DNAJC12: variants seen among roughly 807,000 people sequenced by gnomAD.
DNAJC12 encodes the protein dnaJ homolog subfamily C member 12.
Under a neutral mutation model 28.5 loss-of-function variants are expected in DNAJC12, and 25 were observed. That is an observed-to-expected ratio of 0.88 (90% CI 0.64 to 1.22). The LOEUF is 1.22. Among genes scored for constraint, DNAJC12 ranks in the 50% most tolerant of loss-of-function variants. The pLI is 0.00. For missense variants in DNAJC12, 222 were observed against 231.7 expected, an observed-to-expected ratio of 0.96 and a Z score of 0.27; for synonymous variants, 77 against 80.6, an observed-to-expected ratio of 0.95 and a Z score of 0.24.
Position 67,805,687 on chromosome 10 carries a change from C to T in DNAJC12, c.398G>A (p.Arg133Lys), listed in dbSNP as rs200014179. Residue 133 changes from arginine (R) to lysine (K), a missense_variant, in exon 4 of 5, where the codon AGA becomes AAA. Arg to Lys is a conservative substitution (Grantham distance 26). Transcript: ENST00000225171. ...AGCCAGCTCCTCTTTCTTTCTTTCT[C>T]TTTGCTCATTACATTCCTCATTTTC... ...KMENEECNEQ[R>K]ERKKEELAST... 62 of 1,613,670 alleles carry T rather than the reference C, an allele frequency of 3.8e-5. No homozygotes were observed. In the East Asian group the frequency reaches 6.9e-4, roughly 18 times the overall value.
chr10:67,817,763 G>C (rs980012576), intron 2 of DNAJC12, among the ~76,000 whole-genome samples: 1 of 151,818 alleles, frequency 6.6e-6, no homozygotes, highest in Admixed American at 6.6e-5. Flanking sequence ...TTATAGCTCC[G>C]GCTACTCAAG....
At chr10:67,820,420 G>C (rs1301786582) in intron 2 of DNAJC12, among the ~76,000 whole-genome samples, 1 of 152,146 alleles carries the variant, frequency 6.6e-6, no homozygotes, top group Non-Finnish European at 1.5e-5. Context: ...TGCAAAACTA[G>C]TCAATGGTGA....
intron 1 of DNAJC12, among the ~76,000 whole-genome samples, chr10:67,828,177 C>G (rs1307919034): frequency 1.3e-5 from 2 of 152,128 alleles, no homozygotes; most frequent in Non-Finnish European, 2.9e-5. Context: ...ACCAGTGTTA[C>G]TGAGAGTGCG....
At chr10:67,831,173 G>A (rs1420012645) in intron 1 of DNAJC12, among the ~76,000 whole-genome samples, 1 of 152,150 alleles carries the variant, frequency 6.6e-6, no homozygotes, top group Non-Finnish European at 1.5e-5. Flanking sequence ...GGGCCACAGG[G>A]TGAGAATCTG....
intron 3 of DNAJC12, among the ~76,000 whole-genome samples, chr10:67,809,691 C>G (rs998311227): frequency 6.6e-6 from 1 of 152,122 alleles, no homozygotes; most frequent in Non-Finnish European, 1.5e-5. Flanking sequence ...TTTGCAGCAA[C>G]TTAGATGGAC....
At chr10:67,837,783 T>C in intron 1 of DNAJC12, 151 bp downstream of exon 1, 1 of 558,104 alleles carries the variant, frequency 1.8e-6, no homozygotes, top group Non-Finnish European at 3.1e-6. Flanking sequence ...AATTCTTAAC[T>C]TTCTCTGAGC....
At chr10:67,798,249 A>C (rs575560734) in intron 4 of DNAJC12, among the ~76,000 whole-genome samples, 3 of 152,246 alleles carry the variant, frequency 2.0e-5, no homozygotes, top group Non-Finnish European at 1.5e-5. Flanking sequence ...CGTCATTAAC[A>C]ATATCTTAAT....
chr10:67,818,160 C>T (rs539850940), intron 2 of DNAJC12, among the ~76,000 whole-genome samples: 107 of 152,064 alleles, frequency 7.0e-4, no homozygotes, highest in African/African-American at 2.4e-3. Flanking sequence ...GAACCAAGAT[C>T]GCACCACTGC....
chr10:67,817,568 C>G (rs1401405245), intron 2 of DNAJC12, among the ~76,000 whole-genome samples: 3 of 152,174 alleles, frequency 2.0e-5, no homozygotes, highest in African/African-American at 2.4e-5. Context: ...ACTTCAGTAT[C>G]CAAGTGAATT....
chr10:67,818,651 AT>A (rs1472041542), intron 2 of DNAJC12, among the ~76,000 whole-genome samples: 1 of 151,680 alleles, frequency 6.6e-6, no homozygotes, highest in Non-Finnish European at 1.5e-5. Flanking sequence ...TGTTTATCAA[AT>A]TTTTATAATT....
chr10:67,822,455 G>A (rs1465238510), intron 2 of DNAJC12, among the ~76,000 whole-genome samples: 1 of 152,094 alleles, frequency 6.6e-6, no homozygotes, highest in African/African-American at 2.4e-5. Flanking sequence ...GAAAAATAGC[G>A]AGAAGGGAAA....
intron 1 of DNAJC12, chr10:67,833,649 G>C (rs1842115498): frequency 7.4e-6 from 2 of 270,696 alleles, no homozygotes; most frequent in Non-Finnish European, 1.5e-5. Flanking sequence ...TTGGTGGTTT[G>C]TGCTTGCGAT....
At chr10:67,837,756 A>C (rs1009423162) in intron 1 of DNAJC12, among the ~76,000 whole-genome samples, 178 bp downstream of exon 1, 2 of 152,240 alleles carry the variant, frequency 1.3e-5, no homozygotes, top group Non-Finnish European at 2.9e-5. Flanking sequence ...TTCAAGTAAA[A>C]TCCCAACATA....
intron 2 of DNAJC12, among the ~76,000 whole-genome samples, chr10:67,820,265 C>T (rs1841969300): frequency 6.6e-6 from 1 of 152,178 alleles, no homozygotes; most frequent in Non-Finnish European, 1.5e-5. Context: ...TTAAGGTACA[C>T]AGCATGAAGG....
intron 4 of DNAJC12, 50 bp from the exon 5 acceptor site, chr10:67,797,260 A>T: frequency 6.7e-7 from 1 of 1,499,402 alleles, no homozygotes; most frequent in African/African-American, 1.4e-5. Context: ...GGAAAAGTCG[A>T]TCTTGTTATA....
chr10:67,837,606 T>G (rs1286501357), intron 1 of DNAJC12, among the ~76,000 whole-genome samples: 1 of 152,192 alleles, frequency 6.6e-6, no homozygotes, highest in Non-Finnish European at 1.5e-5. Context: ...TTATATATAC[T>G]GTGAAACACT....
chr10:67,818,670 T>G (rs1431132218), intron 2 of DNAJC12, among the ~76,000 whole-genome samples: 12 of 152,084 alleles, frequency 7.9e-5, no homozygotes, highest in Admixed American at 5.2e-4. Flanking sequence ...ATTTTTTTTT[T>G]TTTGAGACAC....
At chr10:67,811,457 T>C in intron 3 of DNAJC12, 67 bp downstream of exon 3, 1 of 1,602,252 alleles carries the variant, frequency 6.2e-7, no homozygotes, top group Non-Finnish European at 8.5e-7. Flanking sequence ...TTTAAGCTAC[T>C]ACATGAGTCT....
intron 4 of DNAJC12, among the ~76,000 whole-genome samples, chr10:67,800,891 C>T (rs887778708): frequency 2.6e-5 from 4 of 151,216 alleles, no homozygotes; most frequent in Admixed American, 1.3e-4. Flanking sequence ...TGCAGTGAGC[C>T]GAGGTGGTGC....
Sources: gnomAD v4.1 joint callset for allele counts (sites outside exome capture counted in the v4.1 genomes callset) on GRCh38, gnomAD v4.1.1 for gene constraint, MANE v1.5 for transcripts, NCBI Gene and HGNC (gene_info 2026-07-23, HGNC 2026-07-21) for gene names.